The following RAB5A variants were observed in gnomAD, a reference collection of about 807,000 sequenced individuals.
The protein encoded by RAB5A is RAB5A, member RAS oncogene family.
In RAB5A, 8 loss-of-function variants were observed where a neutral mutation model predicts 25.7. That is an observed-to-expected ratio of 0.31 (90% CI 0.18 to 0.56). RAB5A has a LOEUF of 0.56. RAB5A is among the 20% of genes least tolerant of loss of function. The pLI is 0.91. For synonymous variants in RAB5A, 98 were observed against 89.8 expected, an observed-to-expected ratio of 1.09 and a Z score of -0.52; for missense variants, 192 against 259.7, an observed-to-expected ratio of 0.74 and a Z score of 1.79.
chr3:19,962,048 A>G (rs1696593449), intron 2 of RAB5A, among the ~76,000 whole-genome samples: 1 of 152,126 alleles, frequency 6.6e-6, no homozygotes, highest in African/African-American at 2.4e-5. Flanking sequence ...AATCATCTCA[A>G]CACATCCGGC....
chr3:19,963,479 C>T (rs1261131435), intron 2 of RAB5A, among the ~76,000 whole-genome samples: 1 of 148,970 alleles, frequency 6.7e-6, no homozygotes, highest in African/African-American at 2.5e-5. Flanking sequence ...TTCTAATCTT[C>T]ATCCTTTTTC....
At chr3:19,962,293 G>T (rs1222308875) in intron 2 of RAB5A, among the ~76,000 whole-genome samples, 1 of 152,162 alleles carries the variant, frequency 6.6e-6, no homozygotes, top group Non-Finnish European at 1.5e-5. Context: ...CTACAGGCTG[G>T]GCGTGGTGGC....
intron 2 of RAB5A, among the ~76,000 whole-genome samples, chr3:19,964,304 T>C (rs1208020527): frequency 2.0e-5 from 3 of 152,234 alleles, no homozygotes; most frequent in African/African-American, 7.2e-5. Flanking sequence ...CTAAGCTAAT[T>C]TCCTTAACCT....
At chr3:19,956,574 C>T (rs575198066) in intron 2 of RAB5A, among the ~76,000 whole-genome samples, 74 of 152,208 alleles carry the variant, frequency 4.9e-4, no homozygotes, top group Non-Finnish European at 9.6e-4. Context: ...TCTAAAACAA[C>T]CTGTAACAGG....
chr3:19,976,283 G>T, intron 4 of RAB5A, 114 bp downstream of exon 4: 1 of 1,196,058 alleles, frequency 8.4e-7, no homozygotes, highest in African/African-American at 1.6e-5. Context: ...AGAAAATACT[G>T]ATTTTTAAAA....
In RAB5A at chr3:19,958,925, C is replaced by T. The variant is rs1344912171; in HGVS notation, c.163+7864C>T. Among the ~76,000 whole-genome samples the T allele has an allele frequency of 3.3e-5, 5 of 151,986 alleles. No individual in the cohort carries two copies. The South Asian group carries it at 6.2e-4, about 19-fold the overall frequency. ...CTGCACTTCAACCTGGGTGACAGAG[C>T]GAGACTCTGTCTCAAAAAAAGAAAA... On this transcript the variant is annotated intron_variant, in intron 2 of 5. Transcript: ENST00000273047.
chr3:19,956,281 GC>G, intron 2 of RAB5A, among the ~76,000 whole-genome samples: 1 of 152,222 alleles, frequency 6.6e-6, no homozygotes, highest in East Asian at 1.9e-4. Flanking sequence ...GACCAGCCTG[GC>G]CAACATGGTA....
intron 2 of RAB5A, among the ~76,000 whole-genome samples, chr3:19,966,488 C>T (rs555537687): frequency 6.6e-6 from 1 of 152,280 alleles, no homozygotes; most frequent in South Asian, 2.1e-4. Flanking sequence ...AATAATGTTG[C>T]TGTGAACATT....
rs765790302 is a variant in RAB5A at position 19,975,587 on chromosome 3, T to G, written c.164-14T>G. On this transcript the variant is annotated splice_polypyrimidine_tract_variant and intron_variant, in intron 2 of 5. Coordinates refer to ENST00000273047, the MANE Select transcript of RAB5A (RefSeq NM_004162.5). ...GAGAAAAATGATTGACTTATTGTAG[T>G]CCTTTTCTTTCAGCTGCTTTTCTAA... 3 of 1,609,012 alleles carry G rather than the reference T, an allele frequency of 1.9e-6. No individual in the cohort carries two copies. The highest frequency in any genetic ancestry group is 2.2e-5 in the South Asian group (2 of 89,842).
intron 2 of RAB5A, among the ~76,000 whole-genome samples, chr3:19,969,394 T>C (rs4398451): frequency 0.34 from 52,120 of 152,076 alleles, 9,928 homozygotes; most frequent in Non-Finnish European, 0.44. Flanking sequence ...TTGTTTTGAC[T>C]ATGTGGATGA....
rs900487289 is a variant in RAB5A at position 19,963,370 on chromosome 3, C to A, written c.164-12231C>A. Among the ~76,000 whole-genome samples the A allele has an allele frequency of 4.4e-5, 5 of 113,152 alleles. 1 individual carries two copies. Among genetic ancestry groups the A allele is most frequent in the Middle Eastern group, 7.3e-3 (2 of 274 alleles). 74.2% of individuals were successfully genotyped at this position (113,152 alleles called of 152,430 possible). A position where few individuals can be genotyped will look rare whatever the true frequency, so the allele number is the denominator to read the frequency against. On this transcript the variant is annotated intron_variant, in intron 2 of 5. Coordinates refer to ENST00000273047, the MANE Select transcript of RAB5A (RefSeq NM_004162.5). The stretch of plus-strand genomic sequence containing the variant: ...GGGGATATCTTAGAATTTCACCCCC[C>A]CCCCCCCCGACTTATTTTCGTAAGA...
At chr3:19,957,513 A>G (rs918322141) in intron 2 of RAB5A, among the ~76,000 whole-genome samples, 2 of 150,134 alleles carry the variant, frequency 1.3e-5, no homozygotes, top group Non-Finnish European at 3.0e-5. Context: ...AAAAGCAAAC[A>G]TTAGCTGGGC....
intron 2 of RAB5A, among the ~76,000 whole-genome samples, chr3:19,975,301 T>C (rs1696807388): frequency 6.6e-6 from 1 of 152,046 alleles, no homozygotes; most frequent in Admixed American, 6.6e-5. Flanking sequence ...ATGCAGAAGT[T>C]TTTCAATCTG....
chr3:19,977,742 C>A (rs1696848758), intron 4 of RAB5A, among the ~76,000 whole-genome samples: 1 of 152,102 alleles, frequency 6.6e-6, no homozygotes, highest in Non-Finnish European at 1.5e-5. Flanking sequence ...TTACCCCTCA[C>A]AACAGCTATG....
intron 2 of RAB5A, among the ~76,000 whole-genome samples, chr3:19,956,945 C>CGT (rs1365856965): frequency 3.2e-5 from 4 of 126,050 alleles, no homozygotes; most frequent in Non-Finnish European, 7.0e-5. Context: ...TGTTTTTTTT[C>CGT]CTTTTTTTTT....
At position 19,957,492 on chromosome 3, in the gene RAB5A, A is replaced by G. The variant is rs1351662890; in HGVS notation, c.163+6431A>G. ...ACATGGCCAAACCCCATCCTTACTA[A>G]AAAAAAAAAAAAAAGCAAACATTAG... is the stretch of plus-strand genomic sequence containing the variant. On this transcript the variant is annotated intron_variant, in intron 2 of 5. Transcript: ENST00000273047. 2.2e-4 allele frequency among the ~76,000 whole-genome samples: 3 copies of G among 13,428 alleles called. No homozygotes were observed. In the South Asian group the frequency reaches 5.1e-3, roughly 23 times the overall value. 8.8% of individuals were successfully genotyped at this position (13,428 alleles called of 152,430 possible).
intron 2 of RAB5A, among the ~76,000 whole-genome samples, chr3:19,960,968 T>C (rs1175676546): frequency 6.6e-6 from 1 of 152,234 alleles, no homozygotes; most frequent in African/African-American, 2.4e-5. Context: ...GTCAAAAAAC[T>C]GTTCTTTATC....
intron 2 of RAB5A, among the ~76,000 whole-genome samples, chr3:19,958,028 A>G (rs1053831065): frequency 1.3e-5 from 2 of 152,172 alleles, no homozygotes; most frequent in African/African-American, 4.8e-5. Flanking sequence ...ACTTCTTTGT[A>G]TAATTATAAT....
At chr3:19,965,922 T>C (rs984513193) in intron 2 of RAB5A, among the ~76,000 whole-genome samples, 1 of 151,926 alleles carries the variant, frequency 6.6e-6, no homozygotes, top group African/African-American at 2.4e-5. Flanking sequence ...TAGAAACGAT[T>C]TCTCCATGTT....
Sources: allele counts gnomAD v4.1 joint callset (sites outside exome capture counted in the v4.1 genomes callset), GRCh38; gene constraint gnomAD v4.1.1; transcripts MANE v1.5; gene names NCBI Gene and HGNC (gene_info 2026-07-23, HGNC 2026-07-21).